The following CD2 variants were observed in gnomAD, a reference collection of about 807,000 sequenced individuals.
CD2 encodes CD2 molecule, also known as T-cell surface antigen CD2.
Under a neutral mutation model 23.2 loss-of-function variants are expected in CD2, and 18 were observed. The ratio of observed to expected loss-of-function variants is 0.77; its 90% confidence interval spans 0.54 to 1.15. CD2 has a LOEUF of 1.15. Among genes scored for constraint, CD2 ranks in the 50% most tolerant of loss-of-function variants. The pLI is 0.00. For missense variants in CD2, 424 were observed against 423.1 expected (o/e 1.00, Z -0.02); for synonymous variants, 162 against 151.9 (o/e 1.07, Z -0.49).
chr1:116,760,559 G>C lies in CD2; in HGVS notation c.540G>C (p.Leu180=). The C allele has an allele frequency of 6.2e-7, 1 of 1,614,220 alleles. No homozygotes were observed. The highest frequency in any genetic ancestry group is 8.5e-7 in the Non-Finnish European group (1 of 1,180,036). The change falls in exon 3 of 5, where the codon CTG becomes CTC. Residue 180 remains leucine, a synonymous_variant. Transcript: ENST00000369478. ...TCACACACAAGTGGACCACCAGCCT[G>C]AGTGCAAAATTCAAGTGCACAGCAG... ...RVITHKWTTS[L]SAKFKCTAGN...
chr1:116,763,335 A>C (rs1195824962), intron 3 of CD2, among the ~76,000 whole-genome samples: 4 of 152,164 alleles, frequency 2.6e-5, no homozygotes, highest in Non-Finnish European at 5.9e-5. Flanking sequence ...CTTCATGTAT[A>C]ACAGTGTCTC....
chr1:116,764,422 C>A, intron 3 of CD2, 62 bp from the exon 4 acceptor site: 1 of 1,581,482 alleles, frequency 6.3e-7, no homozygotes, highest in Non-Finnish European at 8.6e-7. Context: ...GCATCCTTGG[C>A]CAGAGTAATG....
At chr1:116,765,382 C>T (rs1369708776) in intron 4 of CD2, among the ~76,000 whole-genome samples, 3 of 152,192 alleles carry the variant, frequency 2.0e-5, no homozygotes, top group Non-Finnish European at 4.4e-5. Context: ...AACCGGCAGG[C>T]ACAGCCACAC....
chr1:116,757,740 CAT>C (rs572120357), intron 2 of CD2, among the ~76,000 whole-genome samples: 82 of 149,120 alleles, frequency 5.5e-4, no homozygotes, highest in Non-Finnish European at 8.7e-4. Context: ...TAAAATATTA[CAT>C]ATATATATAT....
intron 4 of CD2, 130 bp downstream of exon 4, chr1:116,764,736 T>A (rs798038): frequency 1.4e-6 from 1 of 713,930 alleles, no homozygotes; most frequent in South Asian, 1.7e-5. Flanking sequence ...AGGGTTGTAG[T>A]CAGCGGTTAT....
chr1:116,757,924 C>A (rs1651912528), intron 2 of CD2, among the ~76,000 whole-genome samples: 1 of 151,892 alleles, frequency 6.6e-6, no homozygotes, highest in South Asian at 2.1e-4. Context: ...CGCATGCCAA[C>A]ACACCTGGCT....
At chr1:116,756,709 C>A (rs1391532027) in intron 2 of CD2, among the ~76,000 whole-genome samples, 1 of 152,098 alleles carries the variant, frequency 6.6e-6, no homozygotes, top group Non-Finnish European at 1.5e-5. Flanking sequence ...AAAAAGAAAC[C>A]CTTCACCCTT....
At chr1:116,763,011 G>A (rs1652104936) in intron 3 of CD2, among the ~76,000 whole-genome samples, 1 of 152,158 alleles carries the variant, frequency 6.6e-6, no homozygotes, top group Non-Finnish European at 1.5e-5. Flanking sequence ...GCCCCACCCC[G>A]GGTCAAATCT....
chr1:116,764,308 T>C lies in CD2; in HGVS notation c.614-176T>C, dbSNP rs1011452797. The stretch of plus-strand genomic sequence containing the variant: ...CTGCAGAGGGAGCTTCCCAAGGACC[T>C]TGGGTCCTTCCAGGGTTGACACCAC... On this transcript the variant is annotated intron_variant, in intron 3 of 4. Transcript: ENST00000369478. 3 of 498,988 alleles carry C rather than the reference T, an allele frequency of 6.0e-6. No individual in the cohort carries two copies. The South Asian group carries it at 2.6e-4, about 43-fold the overall frequency. 30.9% of individuals were successfully genotyped at this position (498,988 alleles called of 1,614,324 possible).
chr1:116,755,281 G>A (rs1651804084), intron 2 of CD2, among the ~76,000 whole-genome samples: 3 of 152,226 alleles, frequency 2.0e-5, no homozygotes, highest in Admixed American at 1.3e-4. Context: ...GTTCCAGGTT[G>A]CTGATGAATC....
At chr1:116,764,791 T>C in intron 4 of CD2, 185 bp downstream of exon 4, 1 of 590,678 alleles carries the variant, frequency 1.7e-6, no homozygotes, top group East Asian at 2.9e-5. Context: ...AAAAACAAAT[T>C]CTTAGTGGTG....
chr1:116,757,150 C>A (rs192991711), intron 2 of CD2, among the ~76,000 whole-genome samples: 23 of 152,184 alleles, frequency 1.5e-4, no homozygotes, highest in African/African-American at 5.5e-4. Flanking sequence ...GCATGTACCA[C>A]CACGTCCGGC....
intron 4 of CD2, among the ~76,000 whole-genome samples, chr1:116,766,770 G>C (rs1399277302): frequency 1.3e-5 from 2 of 151,990 alleles, no homozygotes; most frequent in South Asian, 4.2e-4. Context: ...GGCTGAGGTG[G>C]GTGAATCATT....
At chr1:116,762,906 A>G (rs953248728) in intron 3 of CD2, among the ~76,000 whole-genome samples, 28 of 152,202 alleles carry the variant, frequency 1.8e-4, no homozygotes, top group African/African-American at 6.0e-4. Context: ...CCAAGATAAA[A>G]TTGTGGCCAC....
intron 2 of CD2, among the ~76,000 whole-genome samples, chr1:116,756,020 T>C (rs1217135476): frequency 1.3e-5 from 2 of 152,170 alleles, no homozygotes; most frequent in Non-Finnish European, 2.9e-5. Flanking sequence ...GGACCCCACC[T>C]TCTTCCTCTC....
intron 4 of CD2, among the ~76,000 whole-genome samples, chr1:116,765,169 A>G (rs1652177372): frequency 6.6e-6 from 1 of 152,142 alleles, no homozygotes; most frequent in Admixed American, 6.5e-5. Context: ...ATCAGCAATG[A>G]AAAGGTTATG....
At chr1:116,761,703 C>T (rs1200635516) in intron 3 of CD2, among the ~76,000 whole-genome samples, 3 of 152,188 alleles carry the variant, frequency 2.0e-5, no homozygotes, top group African/African-American at 7.2e-5. Context: ...AAGCAGGGGT[C>T]ATTGAAGGCA....
At chr1:116,760,710 G>A (rs1193812611) in intron 3 of CD2, 78 bp downstream of exon 3, 14 of 1,127,036 alleles carry the variant, frequency 1.2e-5, no homozygotes, top group East Asian at 1.2e-4. Flanking sequence ...CAGGTCACAG[G>A]TGCTCATGCT....
chr1:116,761,638 A>C (rs1426814643), intron 3 of CD2, among the ~76,000 whole-genome samples: 1 of 152,204 alleles, frequency 6.6e-6, no homozygotes, highest in Non-Finnish European at 1.5e-5. Context: ...AAGCAAGTTA[A>C]TAAGTCTAGC....
Sources: gnomAD v4.1 joint callset for allele counts (sites outside exome capture counted in the v4.1 genomes callset) on GRCh38, gnomAD v4.1.1 for gene constraint, MANE v1.5 for transcripts, NCBI Gene and HGNC (gene_info 2026-07-23, HGNC 2026-07-21) for gene names.